Variants in RAI2 observed in about 807,000 individuals in gnomAD.
The protein encoded by RAI2 is retinoic acid induced 2, also known as retinoic acid-induced protein 2.
A neutral mutation model predicts 15.3 loss-of-function variants in RAI2; 5 were observed. The observed-to-expected ratio is 0.33, with a 90% CI of 0.17 to 0.69. The LOEUF is 0.69. RAI2 is among the 30% of genes least tolerant of loss of function. RAI2 has a pLI of 0.69. For missense variants in RAI2, 424 were observed against 424.7 expected (o/e 1.00, Z 0.01); for synonymous variants, 191 against 184.0 (o/e 1.04, Z -0.31).
intron 1 of RAI2, among the ~76,000 whole-genome samples, chrX:17,835,095 G>A (rs1016378117): frequency 8.9e-6 from 1 of 111,774 alleles, no homozygotes; most frequent in Non-Finnish European, 1.9e-5. Flanking sequence ...GCACAAAATC[G>A]TCAGTGAGTG....
chrX:17,831,928 C>T (rs2067286372), intron 1 of RAI2, among the ~76,000 whole-genome samples: 1 of 112,287 alleles, frequency 8.9e-6, no homozygotes, highest in South Asian at 3.7e-4. Flanking sequence ...GTCTTTCCCA[C>T]CTGCTTCCAG....
chrX:17,855,347 T>G (rs1216682203), intron 1 of RAI2, among the ~76,000 whole-genome samples: 1 of 111,933 alleles, frequency 8.9e-6, no homozygotes, highest in Non-Finnish European at 1.9e-5. Flanking sequence ...AAGCTGCTAC[T>G]AGAGCAGGTG....
chrX:17,805,173 C>T (rs778546479), intron 1 of RAI2, among the ~76,000 whole-genome samples: 1 of 112,908 alleles, frequency 8.9e-6, no homozygotes, highest in East Asian at 2.8e-4. Flanking sequence ...GCTGTGAAGG[C>T]CACGCCCCTC....
rs781163876 is a variant in RAI2 at position 17,859,732 on chromosome X, C to A, written c.-25+1366G>T. On this transcript the variant is annotated intron_variant, in intron 1 of 1. Transcript: ENST00000451717. ...CCATCGCTGGGTTCTGAACAGCCCA[C>A]GACATAGGGGCACGACGGTGGGTGG... Among the ~76,000 whole-genome samples the A allele has an allele frequency of 1.1e-4, 12 of 112,180 alleles. No homozygotes were observed. In the East Asian group the frequency reaches 3.4e-3, roughly 32 times the overall value.
chrX:17,849,769 T>C (rs1209808576), intron 1 of RAI2, among the ~76,000 whole-genome samples: 1 of 112,688 alleles, frequency 8.9e-6, no homozygotes, highest in Non-Finnish European at 1.9e-5. Context: ...TCTGAAGCAA[T>C]ACCCACTTGC....
At chrX:17,844,780 A>C (rs750668905) in intron 1 of RAI2, among the ~76,000 whole-genome samples, 4 of 112,476 alleles carry the variant, frequency 3.6e-5, no homozygotes, top group Non-Finnish European at 5.6e-5. Context: ...GGCATGAAGA[A>C]GCTTCCAGGG....
At chrX:17,810,097 G>A (rs1175999495) in intron 1 of RAI2, among the ~76,000 whole-genome samples, 5 of 111,208 alleles carry the variant, frequency 4.5e-5, no homozygotes, top group Non-Finnish European at 9.4e-5. Context: ...TGAAGAACAG[G>A]AACCTGAGGC....
chrX:17,837,582 C>CT (rs773544862), intron 1 of RAI2: 1 of 112,060 alleles, frequency 8.9e-6, no homozygotes, highest in Non-Finnish European at 1.9e-5. Flanking sequence ...ATCATAAACT[C>CT]TGAAGTTCTC....
At chrX:17,821,567 TAAGAGA>T (rs763086034) in intron 1 of RAI2, among the ~76,000 whole-genome samples, 111 of 109,220 alleles carry the variant, frequency 1.0e-3, no homozygotes, top group African/African-American at 3.0e-3. Context: ...TGTGTGTGTG[TAAGAGA>T]GAGAGAGAGA....
rs762036443 is a variant in RAI2, at chrX:17,809,356, T to C, written c.-24-7322A>G. Among the ~76,000 whole-genome samples, 3 of 111,441 alleles carry C rather than the reference T, an allele frequency of 2.7e-5. No individual in the cohort carries two copies. In the South Asian group the frequency reaches 1.1e-3, roughly 43 times the overall value. On this transcript the variant is annotated intron_variant, in intron 1 of 1. Coordinates refer to ENST00000451717, the MANE Select transcript of RAI2 (RefSeq NM_021785.6). ...TGTTAGGGAGGACAGAGTACAAATA[T>C]TATCTCTGATCTGATATTTGTGAAA...
chrX:17,842,293 C>T (rs374180157), intron 1 of RAI2, among the ~76,000 whole-genome samples: 2 of 111,197 alleles, frequency 1.8e-5, no homozygotes, highest in Non-Finnish European at 3.8e-5. Context: ...AGTCTCACTG[C>T]GAGGGAGAGG....
At chrX:17,840,398 T>C (rs949389612) in intron 1 of RAI2, among the ~76,000 whole-genome samples, 1 of 111,431 alleles carries the variant, frequency 9.0e-6, no homozygotes, top group South Asian at 3.8e-4. Flanking sequence ...ATCCCCTTCC[T>C]ACTTGGAGTT....
chrX:17,802,309 A>AT (rs779776877), intron 1 of RAI2, among the ~76,000 whole-genome samples: 1 of 112,351 alleles, frequency 8.9e-6, no homozygotes. Flanking sequence ...TAAACCAGGC[A>AT]TTTTTTAAGC....
Position 17,800,796 on chromosome X carries a change from A to T in RAI2, c.1215T>A (p.Ser405Arg). The change falls in exon 2 of 2, where the codon AGT (serine) becomes AGA (arginine). Residue 405 changes from serine to arginine, a missense_variant. Transcript: ENST00000451717. ...GGCTGAGCATCTCGGTAGCAGCATCACTGCTGCTGATGTGACTATCCATCA... is the reference window on the plus strand; with the variant it reads ...GGCTGAGCATCTCGGTAGCAGCATCTCTGCTGCTGATGTGACTATCCATCA... ...PAMMDSHISS[S>R]DAATEMLSQP... 4 of 1,210,538 alleles carry T rather than the reference A, an allele frequency of 3.3e-6. No individual in the cohort carries two copies. Among genetic ancestry groups the T allele is most frequent in the Non-Finnish European group, 3.4e-6 (3 of 894,437 alleles).
chrX:17,844,199 T>C (rs1341676303), intron 1 of RAI2, among the ~76,000 whole-genome samples: 1 of 112,367 alleles, frequency 8.9e-6, no homozygotes, highest in Non-Finnish European at 1.9e-5. Flanking sequence ...CATAGAAAAA[T>C]ACAATGAAAC....
chrX:17,857,309 G>A (rs1401329350), intron 1 of RAI2, among the ~76,000 whole-genome samples: 2 of 111,635 alleles, frequency 1.8e-5, no homozygotes, highest in African/African-American at 6.5e-5. Context: ...TCAAAGCCCA[G>A]CTCCCTCGGT....
At chrX:17,809,296 C>T (rs1402070746) in intron 1 of RAI2, among the ~76,000 whole-genome samples, 3 of 111,746 alleles carry the variant, frequency 2.7e-5, no homozygotes, top group African/African-American at 9.8e-5. Flanking sequence ...TGGGACTAAA[C>T]TTCATGAGGA....
chrX:17,809,063 T>A (rs1215311513), intron 1 of RAI2, among the ~76,000 whole-genome samples: 2 of 112,260 alleles, frequency 1.8e-5, no homozygotes, highest in African/African-American at 6.5e-5. Flanking sequence ...AGGTCCTTTT[T>A]ACCAAAGCTG....
chrX:17,853,735 G>A (rs2067564552), intron 1 of RAI2, among the ~76,000 whole-genome samples: 1 of 110,550 alleles, frequency 9.0e-6, no homozygotes, highest in Admixed American at 9.6e-5. Context: ...CATATATGTT[G>A]ACTAACATAT....
Sources: allele counts gnomAD v4.1 joint callset (sites outside exome capture counted in the v4.1 genomes callset), GRCh38; gene constraint gnomAD v4.1.1; transcripts MANE v1.5; gene names NCBI Gene and HGNC (gene_info 2026-07-23, HGNC 2026-07-21).